The following ZBTB5 variants were observed in gnomAD, a reference collection of about 807,000 sequenced individuals.
The protein encoded by ZBTB5 is zinc finger and BTB domain-containing protein 5.
In ZBTB5, 15 loss-of-function variants were observed where a neutral mutation model predicts 37.9. That is an observed-to-expected ratio of 0.40 (90% CI 0.26 to 0.61). The LOEUF (loss-of-function observed/expected upper bound fraction) is 0.61. Ranked by LOEUF, ZBTB5 falls within the 20% of genes least tolerant of loss-of-function variation. The pLI, the probability that ZBTB5 is intolerant of heterozygous loss-of-function variation, is 0.47. For synonymous variants in ZBTB5, 315 were observed against 312.4 expected, an observed-to-expected ratio of 1.01 and a Z score of -0.09; for missense variants, 708 against 856.8, an observed-to-expected ratio of 0.83 and a Z score of 2.17.
At chr9:37,451,954 T>C (rs1218767375) in intron 1 of ZBTB5, among the ~76,000 whole-genome samples, 1 of 152,224 alleles carries the variant, frequency 6.6e-6, no homozygotes, top group Non-Finnish European at 1.5e-5. Flanking sequence ...ATAGTGATGT[T>C]ACCTTCAAGA....
intron 1 of ZBTB5, among the ~76,000 whole-genome samples, chr9:37,455,934 G>A (rs889781806): frequency 1.3e-5 from 2 of 151,332 alleles, no homozygotes; most frequent in Non-Finnish European, 2.9e-5. Context: ...GGCTCCGGAA[G>A]TGCAGGCTAG....
Position 37,441,672 on chromosome 9 carries a change from G to C in ZBTB5, c.880C>G (p.Gln294Glu). 1 of 1,613,816 alleles carries C rather than the reference G, an allele frequency of 6.2e-7. No homozygotes were observed. The highest frequency in any genetic ancestry group is 8.5e-7 in the Non-Finnish European group (1 of 1,179,984). The change falls in exon 2 of 2, where the codon CAG (glutamine) becomes GAG (glutamate). Residue 294 changes from glutamine (Q) to glutamate (E), a missense_variant. By Grantham distance (29) the Gln-to-Glu change is conservative. Around this residue, in one of 3 missense-constraint regions of ZBTB5, gnomAD observed 639 missense variants for 690.5 expected, o/e 0.93. Coordinates refer to ENST00000307750, the MANE Select transcript of ZBTB5 (RefSeq NM_014872.3). ...AQLSMASRATQVETSFDQEAA... is the reference protein window; with the variant it reads ...AQLSMASRATEVETSFDQEAA... ...TCCTGATCAAAACTAGTCTCAACCT[G>C]AGTTGCACGAGAGGCCATGGACAAC... is the stretch of plus-strand genomic sequence containing the variant.
intron 1 of ZBTB5, among the ~76,000 whole-genome samples, chr9:37,447,320 C>T (rs149768736): frequency 2.0e-4 from 30 of 152,330 alleles, no homozygotes; most frequent in Admixed American, 7.8e-4. Context: ...AGGATCCAAT[C>T]ACCTCCTTCC....
At chr9:37,462,920 C>T (rs1227353381) in intron 1 of ZBTB5, among the ~76,000 whole-genome samples, 1 of 152,036 alleles carries the variant, frequency 6.6e-6, no homozygotes, top group Non-Finnish European at 1.5e-5. Flanking sequence ...CATTCTGAGT[C>T]CCTAAGAAGC....
chr9:37,462,565 T>G (rs947335767), intron 1 of ZBTB5, among the ~76,000 whole-genome samples: 1 of 149,874 alleles, frequency 6.7e-6, no homozygotes, highest in African/African-American at 2.5e-5. Flanking sequence ...TTTAACCGTT[T>G]TTTTTTTTTT....
chr9:37,446,585 T>C (rs1178751526), intron 1 of ZBTB5, among the ~76,000 whole-genome samples: 1 of 152,208 alleles, frequency 6.6e-6, no homozygotes, highest in Non-Finnish European at 1.5e-5. Context: ...TTTGCTATCA[T>C]GTATGAGAGA....
intron 1 of ZBTB5, among the ~76,000 whole-genome samples, chr9:37,457,646 C>T (rs1005486860): frequency 2.0e-5 from 3 of 152,182 alleles, no homozygotes; most frequent in Non-Finnish European, 4.4e-5. Context: ...ACATGAATAA[C>T]GATATTACAA....
Position 37,441,152 on chromosome 9 carries a change from T to C in ZBTB5, c.1400A>G (p.Glu467Gly). ...GTCTGCAGGTTCACTAAATGGGTTC[T>C]CTACATGGGAGCCAGGGGCAGAGGA... is the stretch of plus-strand genomic sequence containing the variant. Reference protein sequence around the residue: ...GPSSAPGSHVENPFSEPADSH... With the variant: ...GPSSAPGSHVGNPFSEPADSH... Residue 467 changes from glutamate (E) to glycine (G), a missense_variant, in exon 2 of 2, where the codon GAG becomes GGG. This residue lies in a region of ZBTB5 where 639 missense variants were observed against 690.5 expected (regional missense o/e 0.93). Transcript: ENST00000307750. 6.2e-7 allele frequency: 1 copy of C among 1,613,964 alleles called. No homozygotes were observed. The highest frequency in any genetic ancestry group is 1.1e-5 in the South Asian group (1 of 91,066).
chr9:37,461,118 T>A (rs1417184800), intron 1 of ZBTB5, among the ~76,000 whole-genome samples: 1 of 152,188 alleles, frequency 6.6e-6, no homozygotes, highest in Non-Finnish European at 1.5e-5. Context: ...CTTTTGATCA[T>A]CTATTCAAAA....
chr9:37,444,198 G>A (rs1383815605), intron 1 of ZBTB5, among the ~76,000 whole-genome samples: 1 of 152,094 alleles, frequency 6.6e-6, no homozygotes, highest in Non-Finnish European at 1.5e-5. Context: ...GTAAGAAATG[G>A]TTTTTTGTTT....
chr9:37,451,113 G>A (rs1824095511), intron 1 of ZBTB5, among the ~76,000 whole-genome samples: 1 of 152,042 alleles, frequency 6.6e-6, no homozygotes, highest in African/African-American at 2.4e-5. Context: ...CTGCAGGGGT[G>A]GAGGGTGCAG....
At chr9:37,447,373 C>G (rs1824008997) in intron 1 of ZBTB5, among the ~76,000 whole-genome samples, 1 of 152,306 alleles carries the variant, frequency 6.6e-6, no homozygotes, top group South Asian at 2.1e-4. Flanking sequence ...TGGGTTGGGA[C>G]AGAGCCAAGC....
chr9:37,442,861 A>AT (rs1823911654), intron 1 of ZBTB5, among the ~76,000 whole-genome samples: 1 of 152,246 alleles, frequency 6.6e-6, no homozygotes, highest in Non-Finnish European at 1.5e-5. Flanking sequence ...GAGTGATGGC[A>AT]TATCTATCCC....
intron 1 of ZBTB5, among the ~76,000 whole-genome samples, chr9:37,455,570 G>A (rs1417305339): frequency 2.6e-5 from 4 of 152,266 alleles, no homozygotes; most frequent in Middle Eastern, 3.4e-3. Flanking sequence ...AGATGCCACC[G>A]TGGGGCCAGA....
rs1824123330 is a variant in ZBTB5 at position 37,452,571 on chromosome 9, CAAGTGATTTATCAAG to C, written c.-4-10031_-4-10017del. ...AAATCATAAGAGAAAGATTCAAGTG[CAAGTGATTTATCAAG>C]AAGTTCCCAGGAGAAAATGGGAGTA... On this transcript the variant is annotated intron_variant, in intron 1 of 1. Transcript: ENST00000307750. Among the ~76,000 whole-genome samples, 5 of 152,252 alleles carry C rather than the reference CAAGTGATTTATCAAG, an allele frequency of 3.3e-5. No individual in the cohort carries two copies. The South Asian group carries it at 1.0e-3, about 32-fold the overall frequency.
chr9:37,464,890 C>A (rs774810979), intron 1 of ZBTB5, among the ~76,000 whole-genome samples: 8 of 152,242 alleles, frequency 5.3e-5, no homozygotes, highest in Admixed American at 1.3e-4. Context: ...ATCCTCTCTT[C>A]ATCCCGCCAG....
In ZBTB5 at chr9:37,441,760, A is replaced by T; in HGVS notation, c.792T>A (p.Phe264Leu). The part of the protein sequence containing the change: ...EDSAIMFDQS[F>L]GTQEDAQVPS... ...GCACCTGGGCATCTTCTTGAGTGCC[A>T]AAAGACTGATCAAACATGATCGCAC... The change falls in exon 2 of 2, where the codon TTT (phenylalanine) becomes TTA (leucine). Residue 264 changes from phenylalanine (F) to leucine (L), a missense_variant. Phe to Leu is a conservative substitution (Grantham distance 22, BLOSUM62 0). This residue lies in a region of ZBTB5 where 639 missense variants were observed against 690.5 expected (regional missense o/e 0.93). Coordinates refer to ENST00000307750, the MANE Select transcript of ZBTB5 (RefSeq NM_014872.3). The T allele has an allele frequency of 6.2e-7, 1 of 1,614,112 alleles. No homozygotes were observed. The highest frequency in any genetic ancestry group is 8.5e-7 in the Non-Finnish European group (1 of 1,180,008).
chr9:37,454,652 T>C (rs1824156163), intron 1 of ZBTB5, among the ~76,000 whole-genome samples: 2 of 152,268 alleles, frequency 1.3e-5, no homozygotes, highest in Admixed American at 6.5e-5. Context: ...ATGCTTTACT[T>C]AGGCTAATAA....
At position 37,441,181 on chromosome 9, in the gene ZBTB5, C is replaced by T. The variant is rs1375564077; in HGVS notation, c.1371G>A (p.Gly457=). Residue 457 remains glycine (G), a synonymous_variant, in exon 2 of 2, where the codon GGG becomes GGA. Transcript: ENST00000307750. ...LLSPEAGPAG[G]PSSAPGSHVE... ...CATGGGAGCCAGGGGCAGAGGAGGG[C>T]CCACCTGCAGGCCCAGCCTCTGGAC... is the stretch of plus-strand genomic sequence containing the variant. The T allele has an allele frequency of 6.2e-7, 1 of 1,613,836 alleles. No individual in the cohort carries two copies. Among genetic ancestry groups the T allele is most frequent in the Admixed American group, 1.7e-5 (1 of 59,966 alleles).
Sources: gnomAD v4.1 joint callset for allele counts (sites outside exome capture counted in the v4.1 genomes callset) on GRCh38, gnomAD v4.1.1 for gene constraint, gnomAD v4.1.1 regional missense constraint, MANE v1.5 for transcripts, NCBI Gene and HGNC (gene_info 2026-07-23, HGNC 2026-07-21) for gene names.